PAM: variants seen among roughly 807,000 people sequenced by gnomAD.
PAM encodes peptidyl-glycine alpha-amidating monooxygenase.
In PAM, 72 loss-of-function variants were observed where a neutral mutation model predicts 122.1. That is an observed-to-expected ratio of 0.59 (90% CI 0.49 to 0.72). The LOEUF is 0.72. Among genes scored for constraint, PAM ranks in the 30% least tolerant of loss-of-function variants. PAM has a pLI of 0.00. For missense variants in PAM, 1,106 were observed against 1,183.7 expected (o/e 0.93, Z 0.96); for synonymous variants, 389 against 404.4 (o/e 0.96, Z 0.46).
intron 1 of PAM, among the ~76,000 whole-genome samples, chr5:102,756,592 A>C (rs1049505443): frequency 3.9e-5 from 6 of 152,216 alleles, no homozygotes; most frequent in Non-Finnish European, 7.4e-5. Context: ...TATTGTTTGT[A>C]AATTTTCAGT....
chr5:102,892,839 G>A (rs954597795), intron 3 of PAM, among the ~76,000 whole-genome samples: 1 of 151,708 alleles, frequency 6.6e-6, no homozygotes, highest in East Asian at 1.9e-4. Context: ...TTATCAATGC[G>A]TAACAAATAG....
chr5:102,903,982 A>G (rs1005498777), intron 4 of PAM, among the ~76,000 whole-genome samples: 3 of 151,526 alleles, frequency 2.0e-5, no homozygotes, highest in Non-Finnish European at 4.4e-5. Flanking sequence ...AATAACAAAT[A>G]CCCATGAAGA....
At chr5:102,779,918 T>TATATATATATATATATATACACACACAC (rs147065045) in intron 1 of PAM, among the ~76,000 whole-genome samples, 2 of 95,670 alleles carry the variant, frequency 2.1e-5, no homozygotes, top group African/African-American at 9.1e-5. Flanking sequence ...TATATATATA[T>TATATATATATATATATATACACACACAC]ACACACATAT....
At chr5:102,929,533 C>A (rs1485292659) in intron 7 of PAM, among the ~76,000 whole-genome samples, 2 of 152,122 alleles carry the variant, frequency 1.3e-5, no homozygotes, top group African/African-American at 2.4e-5. Flanking sequence ...AATTGTAAAT[C>A]TGAAGCAGAG....
At chr5:102,801,940 G>A (rs1457956549) in intron 1 of PAM, among the ~76,000 whole-genome samples, 5 of 150,686 alleles carry the variant, frequency 3.3e-5, no homozygotes, top group African/African-American at 9.7e-5. Flanking sequence ...CACCACGCCC[G>A]GCTAATTTTT....
intron 13 of PAM, among the ~76,000 whole-genome samples, chr5:102,960,382 G>A (rs1469553751): frequency 1.3e-5 from 2 of 151,804 alleles, no homozygotes; most frequent in Non-Finnish European, 2.9e-5. Context: ...AACCAGTAAT[G>A]ACTTACACAG....
At chr5:102,810,284 T>A (rs1488916329) in intron 1 of PAM, among the ~76,000 whole-genome samples, 1 of 152,002 alleles carries the variant, frequency 6.6e-6, no homozygotes, top group Non-Finnish European at 1.5e-5. Context: ...CTATAAAGAG[T>A]GTACTATAAA....
chr5:102,830,086 T>A (rs917646769), intron 1 of PAM, among the ~76,000 whole-genome samples: 16 of 152,214 alleles, frequency 1.1e-4, no homozygotes, highest in African/African-American at 3.6e-4. Context: ...CTGGGGCTTA[T>A]GTGCAGCTGC....
intron 3 of PAM, among the ~76,000 whole-genome samples, chr5:102,880,894 T>C (rs1307713011): frequency 6.6e-6 from 1 of 152,096 alleles, no homozygotes; most frequent in African/African-American, 2.4e-5. Flanking sequence ...AATAAACTCA[T>C]GGCAAGCCAA....
chr5:102,901,493 G>A, intron 4 of PAM, 80 bp downstream of exon 4: 1 of 795,922 alleles, frequency 1.3e-6, no homozygotes, highest in Non-Finnish European at 2.2e-6. Context: ...CTCTTTGAGG[G>A]TTATGAGCAT....
downstream of PAM, chr5:103,030,887 T>C (rs1413527842): frequency 6.6e-6 from 1 of 152,220 alleles, no homozygotes; most frequent in Non-Finnish European, 1.5e-5. Context: ...TTGAAAACCA[T>C]TGTCTTCGAG....
In PAM at chr5:102,886,949, G is replaced by A. The variant is rs535632936; in HGVS notation, c.211-14407G>A. 1.1e-4 allele frequency among the ~76,000 whole-genome samples: 16 copies of A among 152,188 alleles called. No individual in the cohort carries two copies. In the South Asian group the frequency reaches 3.3e-3, roughly 32 times the overall value. On this transcript the variant is annotated intron_variant, in intron 3 of 25. Coordinates refer to ENST00000438793, the MANE Select transcript of PAM (RefSeq NM_001177306.2). The stretch of plus-strand genomic sequence containing the variant: ...TTATTTCTTCTGTTCTTCAATACAG[G>A]TAGGAAAGTAAGTTGGATGATGACC...
intron 1 of PAM, among the ~76,000 whole-genome samples, chr5:102,780,811 CTTTCTTTCT>C: frequency 7.2e-6 from 1 of 139,622 alleles, no homozygotes; most frequent in Admixed American, 7.3e-5. Context: ...TTCTTTCTTT[CTTTCTTTCT>C]TTCTTTCTTT....
rs374224170 is a variant in PAM at position 102,809,968 on chromosome 5, A to C, written c.-374+54620A>C. ...AAGAAGTAGGAAAAATTATGATACT[A>C]CCTAATTTAGATTATAATAGGTTAA... On this transcript the variant is annotated intron_variant, in intron 1 of 25. Transcript: ENST00000438793. 1.1e-4 allele frequency among the ~76,000 whole-genome samples: 16 copies of C among 152,324 alleles called. No individual in the cohort carries two copies. In the East Asian group the frequency reaches 2.9e-3, roughly 28 times the overall value.
chr5:102,960,147 C>G, intron 13 of PAM, 88 bp downstream of exon 13: 1 of 718,018 alleles, frequency 1.4e-6, no homozygotes, highest in Non-Finnish European at 2.3e-6. Flanking sequence ...TTAAAATCAT[C>G]TTTATTCCCT....
At chr5:102,929,389 G>A in intron 7 of PAM, among the ~76,000 whole-genome samples, 1 of 152,116 alleles carries the variant, frequency 6.6e-6, no homozygotes, top group East Asian at 1.9e-4. Context: ...TTTATGTTAT[G>A]TACATATTAT....
chr5:102,936,636 A>G (rs1027277385), intron 7 of PAM, among the ~76,000 whole-genome samples: 14 of 152,190 alleles, frequency 9.2e-5, no homozygotes, highest in African/African-American at 3.4e-4. Flanking sequence ...GAGAGTCAAC[A>G]GCTTATATGG....
intron 1 of PAM, among the ~76,000 whole-genome samples, chr5:102,808,457 G>A (rs1766865986): frequency 6.6e-6 from 1 of 152,094 alleles, no homozygotes; most frequent in African/African-American, 2.4e-5. Flanking sequence ...AAAACTGAAT[G>A]CACAGTGTAA....
intron 18 of PAM, among the ~76,000 whole-genome samples, chr5:103,005,866 T>A (rs775150200): frequency 1.3e-5 from 2 of 152,226 alleles, no homozygotes; most frequent in African/African-American, 2.4e-5. Flanking sequence ...CCAACCATTT[T>A]CTTAACTGTC....
Sources: allele counts gnomAD v4.1 joint callset (sites outside exome capture counted in the v4.1 genomes callset), GRCh38; gene constraint gnomAD v4.1.1; transcripts MANE v1.5; gene names NCBI Gene and HGNC (gene_info 2026-07-23, HGNC 2026-07-21).